Variants in MLLT3 observed in about 807,000 individuals in gnomAD.
MLLT3 encodes protein AF-9.
A neutral mutation model predicts 53.2 loss-of-function variants in MLLT3; 4 were observed. The ratio of observed to expected loss-of-function variants is 0.08; its 90% CI spans 0.04 to 0.17. The LOEUF (loss-of-function observed/expected upper bound fraction) is 0.17, where lower values mean the gene tolerates loss of function less well. MLLT3 is among the 10% of genes least tolerant of loss of function. The pLI is 1.00. For missense variants in MLLT3, 569 were observed against 684.0 expected (o/e 0.83, Z 1.87); for synonymous variants, 283 against 230.6 (o/e 1.23, Z -2.06).
At chr9:20,470,810 T>TGCTTTATGTATAAA (rs1303407115) in intron 2 of MLLT3, among the ~76,000 whole-genome samples, 3 of 152,046 alleles carry the variant, frequency 2.0e-5, no homozygotes, top group Admixed American at 2.0e-4. Context: ...TTTAAAATGA[T>TGCTTTATGTATAAA]GCTTTATGTA....
intron 5 of MLLT3, among the ~76,000 whole-genome samples, chr9:20,401,023 C>T (rs552724445): frequency 5.3e-5 from 8 of 151,968 alleles, no homozygotes; most frequent in Non-Finnish European, 1.2e-4. Context: ...GATAAGAATC[C>T]AAACTAAGCG....
intron 5 of MLLT3, among the ~76,000 whole-genome samples, chr9:20,366,062 T>C (rs1821441815): frequency 6.6e-6 from 1 of 152,122 alleles, no homozygotes; most frequent in Non-Finnish European, 1.5e-5. Flanking sequence ...AATACTTCTT[T>C]ATTATACTTT....
intron 2 of MLLT3, among the ~76,000 whole-genome samples, chr9:20,544,943 C>T (rs909308975): frequency 3.3e-5 from 5 of 151,716 alleles, no homozygotes; most frequent in African/African-American, 9.7e-5. Flanking sequence ...AATTAGCCAA[C>T]GTGGTGGCGC....
At chr9:20,374,818 T>G (rs1056225238) in intron 5 of MLLT3, among the ~76,000 whole-genome samples, 1 of 152,216 alleles carries the variant, frequency 6.6e-6, no homozygotes, top group African/African-American at 2.4e-5. Context: ...TGATAGGAAT[T>G]ATGCCCCCTC....
intron 2 of MLLT3, among the ~76,000 whole-genome samples, chr9:20,564,959 C>T (rs1819310679): frequency 6.6e-6 from 1 of 152,158 alleles, no homozygotes; most frequent in Admixed American, 6.6e-5. Flanking sequence ...CTGGTTTCTA[C>T]ATTAAACTCA....
At position 20,622,286 on chromosome 9, in the gene MLLT3, T is replaced by C. The variant is rs201557436; in HGVS notation, c.-30A>G. On this transcript the variant is annotated 5_prime_UTR_variant, in exon 1 of 11. Transcript: ENST00000380338. ...GGGGGCCCGGAGGTTTGCTGGGGTG[T>C]TGTGTGGTACCCCCCCCTCCTCCGC... 6.4e-7 allele frequency: 1 copy of C among 1,570,114 alleles called. No homozygotes were observed. The highest frequency in any genetic ancestry group is 8.6e-7 in the Non-Finnish European group (1 of 1,156,324).
rs1820975497 is a variant in MLLT3, at chr9:20,620,581, A to G, written c.193+73T>C. 5 of 1,443,170 alleles carry G rather than the reference A, an allele frequency of 3.5e-6. No individual in the cohort carries two copies. Among genetic ancestry groups the G allele is most frequent in the Middle Eastern group, 1.8e-4 (1 of 5,514 alleles). 89.4% of individuals were successfully genotyped at this position (1,443,170 alleles called of 1,614,324 possible). A position where few individuals can be genotyped will look rare whatever the true frequency, so the allele number is the denominator to read the frequency against. On this transcript the variant is annotated intron_variant, in intron 2 of 10. Transcript: ENST00000380338. This position sits in a 1 kb window ranked among gnomAD's most constrained non-coding sequence, Gnocchi z 6.1. ...CGGCGCGGGGGGCGGGGAGCGGGACAGCGGGACCGCCCGGGCCAAGCGATT... is the reference window on the plus strand; with the variant it reads ...CGGCGCGGGGGGCGGGGAGCGGGACGGCGGGACCGCCCGGGCCAAGCGATT...
At chr9:20,532,784 T>C (rs150743615) in intron 2 of MLLT3, 44 of 261,946 alleles carry the variant, frequency 1.7e-4, no homozygotes, top group Non-Finnish European at 1.5e-5. Context: ...AAGCACTTCC[T>C]GAGATTATTA....
Position 20,398,257 on chromosome 9 carries a change from T to G in MLLT3, c.1125+15464A>C, listed in dbSNP as rs541981615. 2.5e-3 allele frequency among the ~76,000 whole-genome samples: 378 copies of G among 152,130 alleles called. 2 individuals are homozygous for G. The highest frequency in any genetic ancestry group is 4.9e-3 in the Admixed American group (75 of 15,274). On this transcript the variant is annotated intron_variant, in intron 5 of 10. Transcript: ENST00000380338. Reference sequence around the variant, plus strand: ...TGTGCCACCACACTCAGCTTATTTTTTAGTTTTTTTAGAGTCTCCCTTTGT... The same window carrying G: ...TGTGCCACCACACTCAGCTTATTTTGTAGTTTTTTTAGAGTCTCCCTTTGT...
intron 4 of MLLT3, among the ~76,000 whole-genome samples, chr9:20,431,123 A>G (rs753058857): frequency 1.3e-5 from 2 of 152,176 alleles, no homozygotes; most frequent in Admixed American, 6.5e-5. Context: ...CTAAATTGCT[A>G]TAACTATTAT....
chr9:20,475,948 T>C (rs1168731301), intron 2 of MLLT3, among the ~76,000 whole-genome samples: 1 of 152,162 alleles, frequency 6.6e-6, no homozygotes, highest in Non-Finnish European at 1.5e-5. Flanking sequence ...GATACATGTT[T>C]TTCTAAATAG....
At chr9:20,575,073 A>T (rs949392841) in intron 2 of MLLT3, among the ~76,000 whole-genome samples, 2 of 152,212 alleles carry the variant, frequency 1.3e-5, no homozygotes, top group African/African-American at 4.8e-5. Flanking sequence ...ATTCAGTCAC[A>T]TATTCAGGTT....
chr9:20,524,951 C>T (rs1818161031), intron 2 of MLLT3, among the ~76,000 whole-genome samples: 2 of 152,052 alleles, frequency 1.3e-5, no homozygotes, highest in South Asian at 4.2e-4. Flanking sequence ...CCCTGTCAGG[C>T]TACAGAGGGC....
chr9:20,569,963 C>T (rs576128544), intron 2 of MLLT3, among the ~76,000 whole-genome samples: 25 of 152,260 alleles, frequency 1.6e-4, no homozygotes, highest in African/African-American at 5.5e-4. Context: ...TCATTTGCCC[C>T]CAGCTGGCCC....
At chr9:20,522,822 G>A (rs1163863043) in intron 2 of MLLT3, among the ~76,000 whole-genome samples, 1 of 152,166 alleles carries the variant, frequency 6.6e-6, no homozygotes, top group Non-Finnish European at 1.5e-5. Context: ...ATCTCAGCAT[G>A]TGGTGGTGCG....
chr9:20,469,079 C>G (rs903120742), intron 2 of MLLT3, among the ~76,000 whole-genome samples: 3 of 152,018 alleles, frequency 2.0e-5, no homozygotes, highest in Non-Finnish European at 4.4e-5. Flanking sequence ...ATATTGCCCC[C>G]GTGCAATAAA....
intron 4 of MLLT3, among the ~76,000 whole-genome samples, chr9:20,426,071 T>C (rs528499076): frequency 1.3e-5 from 2 of 152,232 alleles, no homozygotes; most frequent in South Asian, 2.1e-4. Context: ...AATCCTTTTG[T>C]TTCAGAATCC....
intron 2 of MLLT3, among the ~76,000 whole-genome samples, chr9:20,524,020 G>C (rs1036542790): frequency 6.6e-6 from 1 of 151,992 alleles, no homozygotes; most frequent in South Asian, 2.1e-4. Context: ...TGGTTGTCAG[G>C]GGTCAGGGGA....
intron 2 of MLLT3, among the ~76,000 whole-genome samples, chr9:20,481,042 T>C (rs984357036): frequency 3.9e-5 from 6 of 152,154 alleles, no homozygotes; most frequent in Admixed American, 1.3e-4. Flanking sequence ...ATTTAAGAGG[T>C]ATCCCTAAAA....
Sources: allele counts gnomAD v4.1 joint callset (sites outside exome capture counted in the v4.1 genomes callset), GRCh38; gene constraint gnomAD v4.1.1; non-coding constraint Gnocchi (gnomAD v3.1); transcripts MANE v1.5; gene names NCBI Gene and HGNC (gene_info 2026-07-23, HGNC 2026-07-21).